CDK12: variants seen among roughly 807,000 people sequenced by gnomAD.
The protein encoded by CDK12 is cyclin dependent kinase 12, also known as cyclin-dependent kinase 12.
Under a neutral mutation model 133.8 loss-of-function variants are expected in CDK12, and 17 were observed. The ratio of observed to expected loss-of-function variants is 0.13; its 90% CI spans 0.09 to 0.19. The LOEUF is 0.19. Ranked by LOEUF, CDK12 falls within the 10% of genes least tolerant of loss-of-function variation. The pLI is 1.00. For synonymous variants in CDK12, 694 were observed against 683.6 expected, an observed-to-expected ratio of 1.02 and a Z score of -0.24; for missense variants, 1,508 against 1,818.7, an observed-to-expected ratio of 0.83 and a Z score of 3.11.
At chr17:39,500,688 GAGTAGTCCATAT>G (rs944239845) in intron 5 of CDK12, among the ~76,000 whole-genome samples, 4 of 152,024 alleles carry the variant, frequency 2.6e-5, no homozygotes, top group Non-Finnish European at 5.9e-5. Flanking sequence ...ATGAAGAGGT[GAGTAGTCCATAT>G]AGTACTAGAC....
At chr17:39,556,033 CAAAAAAAA>C (rs145940269) in intron 2 of CDK12, among the ~76,000 whole-genome samples, 1 of 72,378 alleles carries the variant, frequency 1.4e-5, no homozygotes, top group African/African-American at 5.0e-5. Context: ...GACCCTGTCT[CAAAAAAAA>C]AAAAAAAAAA....
At chr17:39,507,138 C>T (rs967891323) in intron 6 of CDK12, among the ~76,000 whole-genome samples, 2 of 151,716 alleles carry the variant, frequency 1.3e-5, no homozygotes, top group Admixed American at 6.6e-5. Context: ...TTAAGTGGTC[C>T]GCCTGCCTCG....
chr17:39,468,339 T>C (rs1456269746), intron 1 of CDK12, among the ~76,000 whole-genome samples: 2 of 152,200 alleles, frequency 1.3e-5, no homozygotes, highest in Admixed American at 6.6e-5. Context: ...TTCATGTCAG[T>C]CTTACTATAT....
At chr17:39,522,065 A>G (rs1354748858) in intron 11 of CDK12, among the ~76,000 whole-genome samples, 1 of 151,946 alleles carries the variant, frequency 6.6e-6, no homozygotes, top group Non-Finnish European at 1.5e-5. Flanking sequence ...GTGACCATGT[A>G]TATCTCACAC....
intron 11 of CDK12, among the ~76,000 whole-genome samples, chr17:39,521,602 C>T (rs1183156643): frequency 6.6e-6 from 1 of 152,130 alleles, no homozygotes; most frequent in African/African-American, 2.4e-5. Context: ...CTCTGTCGCC[C>T]AGGCTGGAGT....
chr17:39,491,776 T>C (rs2051625216), intron 3 of CDK12, among the ~76,000 whole-genome samples: 1 of 149,502 alleles, frequency 6.7e-6, no homozygotes, highest in Non-Finnish European at 1.5e-5. Context: ...CATGCCTGGC[T>C]GTGTGTTTAT....
intron 1 of CDK12, among the ~76,000 whole-genome samples, chr17:39,467,006 C>CA (rs2049382741): frequency 6.6e-6 from 1 of 151,700 alleles, no homozygotes; most frequent in African/African-American, 2.4e-5. Flanking sequence ...TAATTTGAGA[C>CA]AGAGTTTCTG....
chr17:39,543,066 T>G (rs1001941599), upstream of CDK12, among the ~76,000 whole-genome samples: 2 of 152,090 alleles, frequency 1.3e-5, no homozygotes, highest in Non-Finnish European at 2.9e-5. Flanking sequence ...AAAAAGGGAA[T>G]GGAGAAAGAA....
upstream of CDK12, chr17:39,546,727 C>T (rs942906042): frequency 4.6e-5 from 7 of 152,252 alleles, no homozygotes; most frequent in African/African-American, 1.7e-4. Flanking sequence ...TCACCAGCCT[C>T]CTGTGTCTAC....
chr17:39,546,118 CTT>C (rs2055686033), upstream of CDK12: 1 of 150,676 alleles, frequency 6.6e-6, no homozygotes, highest in Non-Finnish European at 1.5e-5. Context: ...TTATGGAACA[CTT>C]TACAAATTTG....
At position 39,525,949 on chromosome 17, in the gene CDK12, C is replaced by G. The variant is rs376340730; in HGVS notation, c.3393C>G (p.Ile1131Met). The change falls in exon 13 of 14, where the codon ATC (isoleucine) becomes ATG (methionine). Residue 1131 changes from isoleucine to methionine, a missense_variant. Around this residue, in one of 9 missense-constraint regions of CDK12, gnomAD observed 399 missense variants for 469.6 expected, o/e 0.85. Transcript: ENST00000447079. ...NLLQSQTDLSIPQMAQLLNIH... is the reference protein window; with the variant it reads ...NLLQSQTDLSMPQMAQLLNIH... ...TGCAGAGCCAAACCGACCTGAGCAT[C>G]CCTCAAATGGCACAGCTGCTTAACA... The G allele has an allele frequency of 3.9e-5, 63 of 1,614,046 alleles. No homozygotes were observed. The highest frequency in any genetic ancestry group is 5.1e-5 in the Non-Finnish European group (60 of 1,180,044).
intron 1 of CDK12, 34 bp from the exon 2 acceptor site, chr17:39,470,845 C>G (rs1459537049): frequency 6.5e-7 from 1 of 1,540,608 alleles, no homozygotes; most frequent in Non-Finnish European, 8.8e-7. Flanking sequence ...CTACTGTAGT[C>G]CATTCATTTA....
At chr17:39,482,705 C>A (rs1443725620) in intron 2 of CDK12, among the ~76,000 whole-genome samples, 2 of 147,546 alleles carry the variant, frequency 1.4e-5, no homozygotes, top group Non-Finnish European at 3.0e-5. Flanking sequence ...CAGGTTCAAA[C>A]AATTCTTGTG....
chr17:39,490,828 A>G (rs2051534485), intron 3 of CDK12, 95 bp downstream of exon 3: 1 of 881,114 alleles, frequency 1.1e-6, no homozygotes, highest in Non-Finnish European at 1.6e-6. Flanking sequence ...CACCAGTAAG[A>G]TCGTAGAAGT....
intron 11 of CDK12, 44 bp downstream of exon 11, chr17:39,520,131 G>A (rs747702039): frequency 1.4e-5 from 23 of 1,605,362 alleles, no homozygotes; most frequent in Non-Finnish European, 1.9e-5. Context: ...CTTTCCCTGG[G>A]CCTTAGACGA....
At chr17:39,479,421 C>G (rs898914922) in intron 2 of CDK12, among the ~76,000 whole-genome samples, 2 of 151,554 alleles carry the variant, frequency 1.3e-5, no homozygotes, top group Non-Finnish European at 2.9e-5. Flanking sequence ...GTGACTTACA[C>G]ATCATTTTTA....
intron 8 of CDK12, among the ~76,000 whole-genome samples, chr17:39,515,476 G>C (rs1331502006): frequency 6.6e-6 from 1 of 152,102 alleles, no homozygotes; most frequent in Non-Finnish European, 1.5e-5. Flanking sequence ...GATAGAAAAA[G>C]ACTCTTGACT....
intron 1 of CDK12, among the ~76,000 whole-genome samples, chr17:39,542,223 G>A (rs1051887379): frequency 1.3e-5 from 2 of 150,158 alleles, no homozygotes; most frequent in African/African-American, 4.9e-5. Context: ...TTTCGCTCTT[G>A]TCACTCAGGC....
chr17:39,538,388 C>G (rs190941995), downstream of CDK12, among the ~76,000 whole-genome samples: 3 of 152,254 alleles, frequency 2.0e-5, no homozygotes, highest in East Asian at 5.8e-4. Context: ...AATGTTAGAG[C>G]TACAAAAGAA....
Sources: gnomAD v4.1 joint callset for allele counts (sites outside exome capture counted in the v4.1 genomes callset) on GRCh38, gnomAD v4.1.1 for gene constraint, gnomAD v4.1.1 regional missense constraint, MANE v1.5 for transcripts, NCBI Gene and HGNC (gene_info 2026-07-23, HGNC 2026-07-21) for gene names.